Variants in KDM4C observed in about 807,000 individuals in gnomAD.
The protein encoded by KDM4C is lysine-specific demethylase 4C.
KDM4C carries 81 observed loss-of-function variants against 129.3 expected under a neutral mutation model. The observed-to-expected ratio is 0.63, with a 90% CI of 0.52 to 0.75. KDM4C has a LOEUF of 0.75. Among genes scored for constraint, KDM4C ranks in the 30% least tolerant of loss-of-function variants. The pLI is 0.00. For synonymous variants in KDM4C, 573 were observed against 456.1 expected (o/e 1.26, Z -3.26); for missense variants, 1,457 against 1,304.0 (o/e 1.12, Z -1.81).
chr9:6,800,628 T>G (rs1365809680), intron 2 of KDM4C, among the ~76,000 whole-genome samples: 1 of 152,158 alleles, frequency 6.6e-6, no homozygotes, highest in Non-Finnish European at 1.5e-5. Context: ...TTTAATTTAT[T>G]TTTATTTAGT....
At chr9:7,054,342 A>G (rs973086515) in intron 17 of KDM4C, among the ~76,000 whole-genome samples, 4 of 152,184 alleles carry the variant, frequency 2.6e-5, no homozygotes, top group Admixed American at 2.0e-4. Flanking sequence ...TATTTTCTCT[A>G]CTAGTATGAT....
Position 7,123,761 on chromosome 9 carries a change from C to G in KDM4C, c.2611-4305C>G, listed in dbSNP as rs562559563. Among the ~76,000 whole-genome samples, 12 of 152,288 alleles carry G rather than the reference C, an allele frequency of 7.9e-5. No individual in the cohort carries two copies. In the South Asian group the frequency reaches 2.5e-3, roughly 32 times the overall value. Reference sequence around the variant, plus strand: ...TGGAGAGGAGACCACATTATGCCTTCCTTCCTGGGGACAATAGCCATGTGC... The same window carrying G: ...TGGAGAGGAGACCACATTATGCCTTGCTTCCTGGGGACAATAGCCATGTGC... On this transcript the variant is annotated intron_variant, in intron 18 of 21. Coordinates refer to ENST00000381309, the MANE Select transcript of KDM4C (RefSeq NM_015061.6).
chr9:6,978,369 A>G (rs777847870), intron 8 of KDM4C, among the ~76,000 whole-genome samples: 2 of 143,218 alleles, frequency 1.4e-5, no homozygotes, highest in Non-Finnish European at 1.6e-5. Flanking sequence ...ATTATCTTTT[A>G]TACCATTACT....
intron 8 of KDM4C, among the ~76,000 whole-genome samples, chr9:6,907,094 T>C (rs1210655273): frequency 6.6e-6 from 1 of 152,218 alleles, no homozygotes; most frequent in African/African-American, 2.4e-5. Context: ...AATAGATTTT[T>C]AGAAAAATCT....
chr9:7,109,024 A>G (rs1046082547), intron 18 of KDM4C, among the ~76,000 whole-genome samples: 2 of 152,216 alleles, frequency 1.3e-5, no homozygotes, highest in African/African-American at 4.8e-5. Flanking sequence ...CCACTGTAAC[A>G]TTCTCTTTTA....
chr9:7,120,556 T>C (rs1839382792), intron 18 of KDM4C, among the ~76,000 whole-genome samples: 1 of 152,228 alleles, frequency 6.6e-6, no homozygotes, highest in Admixed American at 6.5e-5. Flanking sequence ...GATTAGTTTT[T>C]TTCTTAATAC....
intron 17 of KDM4C, among the ~76,000 whole-genome samples, chr9:7,091,467 G>A (rs955253856): frequency 1.3e-5 from 2 of 152,108 alleles, no homozygotes; most frequent in Admixed American, 6.6e-5. Context: ...TCTAGGAAAA[G>A]GCAGAAATAC....
intron 14 of KDM4C, among the ~76,000 whole-genome samples, chr9:7,015,423 C>G (rs964280038): frequency 1.3e-5 from 2 of 152,050 alleles, no homozygotes; most frequent in African/African-American, 4.8e-5. Context: ...ATTGCTAACT[C>G]TGAATTTGCA....
chr9:6,821,365 C>T (rs1239223775), intron 4 of KDM4C, among the ~76,000 whole-genome samples: 1 of 152,194 alleles, frequency 6.6e-6, no homozygotes, highest in Non-Finnish European at 1.5e-5. Context: ...TATTTTTCCA[C>T]ATCCTCTCCA....
chr9:7,170,727 G>A, intron 21 of KDM4C: 1 of 980,396 alleles, frequency 1.0e-6, no homozygotes, highest in South Asian at 4.7e-5. Context: ...GAATAATTCA[G>A]TTTAGTGAGT....
At chr9:6,969,500 C>T (rs1478192478) in intron 8 of KDM4C, among the ~76,000 whole-genome samples, 1 of 152,114 alleles carries the variant, frequency 6.6e-6, no homozygotes, top group Non-Finnish European at 1.5e-5. Context: ...GAAATGTAAA[C>T]AGTCTCTTTT....
chr9:7,132,497 G>A (rs1840749643), intron 19 of KDM4C, among the ~76,000 whole-genome samples: 1 of 152,166 alleles, frequency 6.6e-6, no homozygotes, highest in African/African-American at 2.4e-5. Context: ...TCTCAACAAT[G>A]CACCTGCAAA....
At chr9:7,164,373 A>T (rs1242839202) in intron 19 of KDM4C, among the ~76,000 whole-genome samples, 3 of 148,326 alleles carry the variant, frequency 2.0e-5, no homozygotes, top group African/African-American at 7.4e-5. Flanking sequence ...AGCACCTTTC[A>T]GGATTAATCA....
chr9:6,844,453 C>T (rs191951245), intron 4 of KDM4C, among the ~76,000 whole-genome samples: 3 of 152,264 alleles, frequency 2.0e-5, no homozygotes, highest in Non-Finnish European at 2.9e-5. Flanking sequence ...TTTAGGGAAC[C>T]GCCTATCATA....
intron 1 of KDM4C, among the ~76,000 whole-genome samples, chr9:6,775,384 A>G (rs1194053540): frequency 6.6e-6 from 1 of 151,992 alleles, no homozygotes; most frequent in Non-Finnish European, 1.5e-5. Context: ...CCATCGGGTG[A>G]ATATATTGTG....
intron 8 of KDM4C, chr9:6,925,143 C>T (rs561028699): frequency 2.0e-6 from 2 of 985,400 alleles, no homozygotes; most frequent in African/African-American, 1.7e-5. Flanking sequence ...GGATGCCAAG[C>T]AGTGCCTCAC....
chr9:6,837,579 G>T (rs1038038657), intron 4 of KDM4C, among the ~76,000 whole-genome samples: 1 of 152,092 alleles, frequency 6.6e-6, no homozygotes, highest in Admixed American at 6.5e-5. Context: ...ATGTGAATTT[G>T]CACCTCTCTG....
intron 12 of KDM4C, among the ~76,000 whole-genome samples, chr9:6,998,371 CT>C (rs2132006449): frequency 6.6e-6 from 1 of 152,252 alleles, no homozygotes; most frequent in East Asian, 1.9e-4. Flanking sequence ...CCCAGGTTTT[CT>C]GTTGTTTTGA....
intron 8 of KDM4C, among the ~76,000 whole-genome samples, chr9:6,965,953 T>G (rs1006921145): frequency 2.0e-5 from 3 of 152,222 alleles, no homozygotes; most frequent in Admixed American, 6.5e-5. Flanking sequence ...GTTTAACATT[T>G]AAAAGTCTAT....
Sources: allele counts gnomAD v4.1 joint callset (sites outside exome capture counted in the v4.1 genomes callset), GRCh38; gene constraint gnomAD v4.1.1; transcripts MANE v1.5; gene names NCBI Gene and HGNC (gene_info 2026-07-23, HGNC 2026-07-21).